Variants in HEATR5B observed in about 807,000 individuals in gnomAD.
HEATR5B encodes HEAT repeat containing 5B.
Under a neutral mutation model 224.1 loss-of-function variants are expected in HEATR5B, and 156 were observed. The ratio of observed to expected loss-of-function variants is 0.70; its 90% CI spans 0.61 to 0.80. The LOEUF is 0.80. HEATR5B is among the 30% of genes least tolerant of loss of function. HEATR5B has a pLI of 0.00. For synonymous variants in HEATR5B, 1,027 were observed against 893.0 expected, an observed-to-expected ratio of 1.15 and a Z score of -2.68; for missense variants, 2,323 against 2,535.5, an observed-to-expected ratio of 0.92 and a Z score of 1.80.
At chr2:37,006,955 T>C (rs964867697) in intron 29 of HEATR5B, 95 bp downstream of exon 29, 28 of 1,197,442 alleles carry the variant, frequency 2.3e-5, no homozygotes, top group Non-Finnish European at 3.1e-5. Flanking sequence ...CTCTGAACTG[T>C]GCTATACTGT....
chr2:36,986,651 T>C (rs1665965437), intron 35 of HEATR5B, among the ~76,000 whole-genome samples: 1 of 152,158 alleles, frequency 6.6e-6, no homozygotes, highest in Admixed American at 6.6e-5. Flanking sequence ...GGAGTCTCGC[T>C]CTGTCACCCA....
chr2:37,064,912 C>T lies in HEATR5B; in HGVS notation c.1412G>A (p.Cys471Tyr). ...CTGGAAAGGTAATGCCACAGCCACA[C>T]AGCGCAAACACCATGCAGCAGCAAG... ...ARLAAAWCLR[C>Y]VAVALPFQLT... Residue 471 changes from cysteine (C) to tyrosine (Y), a missense_variant, in exon 10 of 36, where the codon TGT becomes TAT. Physicochemically the swap from Cys to Tyr is radical, Grantham distance 194. Coordinates refer to ENST00000233099, the MANE Select transcript of HEATR5B (RefSeq NM_019024.3). 2 of 1,614,168 alleles carry T rather than the reference C, an allele frequency of 1.2e-6. No homozygotes were observed. The highest frequency in any genetic ancestry group is 8.5e-7 in the Non-Finnish European group (1 of 1,180,016).
intron 6 of HEATR5B, among the ~76,000 whole-genome samples, chr2:37,070,659 A>G (rs891693256): frequency 5.3e-5 from 8 of 152,208 alleles, no homozygotes; most frequent in Non-Finnish European, 7.3e-5. Flanking sequence ...GTGTAACACA[A>G]TAAGGACAAA....
At chr2:37,029,277 C>T (rs1018978392) in intron 22 of HEATR5B, among the ~76,000 whole-genome samples, 1 of 152,138 alleles carries the variant, frequency 6.6e-6, no homozygotes, top group African/African-American at 2.4e-5. Context: ...TAAATTGAAA[C>T]TTATTCAGTC....
In HEATR5B at chr2:37,065,858, A is replaced by G. The variant is rs1407591602; in HGVS notation, c.1230T>C (p.Ile410=). 11 of 1,613,692 alleles carry G rather than the reference A, an allele frequency of 6.8e-6. No homozygotes were observed. Among genetic ancestry groups the G allele is most frequent in the Non-Finnish European group, 9.3e-6 (11 of 1,179,784 alleles). Residue 410 remains isoleucine, a synonymous_variant, in exon 9 of 36, where the codon ATT becomes ATC. Transcript: ENST00000233099. ...SGENKSGAAD[I]AASQHVMVCA... ...AGACCATCACATGCTGGCTTGCTGC[A>G]ATGTCTGCTGCGCCAGATTTGTTTT...
At chr2:37,079,750 GAA>G (rs1224910954) in intron 2 of HEATR5B, among the ~76,000 whole-genome samples, 1 of 151,946 alleles carries the variant, frequency 6.6e-6, no homozygotes, top group Non-Finnish European at 1.5e-5. Context: ...AAAAGAAACT[GAA>G]GAGCCCTAGA....
rs570186931 is a variant in HEATR5B, at chr2:36,981,385, A to G, written c.*105T>C. On this transcript the variant is annotated 3_prime_UTR_variant, in exon 36 of 36. Coordinates refer to ENST00000233099, the MANE Select transcript of HEATR5B (RefSeq NM_019024.3). ...ACCTACTTGGAAGCACTATAATACC[A>G]ATATACAAATAAAACAGAACCCATA... The G allele has an allele frequency of 1.4e-5, 11 of 801,054 alleles. No individual in the cohort carries two copies. The highest frequency in any genetic ancestry group is 1.9e-5 in the Non-Finnish European group (10 of 514,266). The allele number at this position is 801,054 out of a possible 1,614,324, so 49.6% of individuals were successfully genotyped here. A position where few individuals can be genotyped will look rare whatever the true frequency, so the allele number is the denominator to read the frequency against.
chr2:37,024,329 G>A (rs1007335363), intron 24 of HEATR5B, among the ~76,000 whole-genome samples: 19 of 152,228 alleles, frequency 1.2e-4, no homozygotes, highest in East Asian at 1.2e-3. Context: ...TCTATAGCAC[G>A]GTGACTATAC....
At chr2:37,058,374 C>G in intron 14 of HEATR5B, 77 bp downstream of exon 14, 1 of 812,408 alleles carries the variant, frequency 1.2e-6, no homozygotes, top group Non-Finnish European at 2.1e-6. Flanking sequence ...AGTGGGAGAG[C>G]CTTTGTCAAG....
In HEATR5B at chr2:37,028,669, T is replaced by C. The variant is rs1352661371; in HGVS notation, c.3601+12A>G. ...ATTTCCATTATTTTAAGAACGCACA[T>C]TAAATACTTACCACTAGAAGCTGCC... On this transcript the variant is annotated intron_variant, in intron 23 of 35. Transcript: ENST00000233099. 1.9e-6 allele frequency: 3 copies of C among 1,612,720 alleles called. No homozygotes were observed. Among genetic ancestry groups the C allele is most frequent in the East Asian group, 4.5e-5 (2 of 44,862 alleles).
At chr2:36,989,334 T>C (rs1666166677) in intron 34 of HEATR5B, among the ~76,000 whole-genome samples, 1 of 152,226 alleles carries the variant, frequency 6.6e-6, no homozygotes, top group East Asian at 1.9e-4. Context: ...TCTGCCCGCT[T>C]TGGCCTCCCA....
chr2:37,082,760 C>G (rs1672676793), intron 2 of HEATR5B, among the ~76,000 whole-genome samples: 1 of 152,190 alleles, frequency 6.6e-6, no homozygotes, highest in Admixed American at 6.5e-5. Context: ...GAGTAAATCT[C>G]TGTTCCGGGG....
intron 33 of HEATR5B, among the ~76,000 whole-genome samples, chr2:36,992,407 C>T (rs960771167): frequency 6.6e-6 from 1 of 151,842 alleles, no homozygotes; most frequent in Non-Finnish European, 1.5e-5. Context: ...ATGCTGAGAC[C>T]CTGTCTCTAC....
At chr2:37,033,732 G>A (rs1669288786) in intron 21 of HEATR5B, among the ~76,000 whole-genome samples, 1 of 152,184 alleles carries the variant, frequency 6.6e-6, no homozygotes, top group South Asian at 2.1e-4. Flanking sequence ...ACTTATTCCT[G>A]TGACACCTTA....
chr2:37,051,738 C>CT (rs957779176), intron 17 of HEATR5B, among the ~76,000 whole-genome samples: 64 of 149,340 alleles, frequency 4.3e-4, no homozygotes, highest in Non-Finnish European at 1.5e-4. Context: ...ATTTCTTCTT[C>CT]TTTTTTTTTT....
chr2:37,080,488 C>T (rs557798300), intron 2 of HEATR5B, among the ~76,000 whole-genome samples: 1 of 152,148 alleles, frequency 6.6e-6, no homozygotes, highest in South Asian at 2.1e-4. Context: ...ATAGGATTTG[C>T]TGGTGAATAC....
chr2:37,067,028 C>A (rs1435610331), intron 8 of HEATR5B, among the ~76,000 whole-genome samples: 2 of 151,814 alleles, frequency 1.3e-5, no homozygotes, highest in Non-Finnish European at 2.9e-5. Flanking sequence ...CGCCACCACG[C>A]CTGATTAATT....
rs1667366829 is a variant in HEATR5B, at chr2:37,005,665, G to A, written c.4872C>T (p.Ser1624=). 6.2e-7 allele frequency: 1 copy of A among 1,613,502 alleles called. No homozygotes were observed. The highest frequency in any genetic ancestry group is 8.5e-7 in the Non-Finnish European group (1 of 1,179,520). Residue 1624 remains serine (S), a synonymous_variant, in exon 30 of 36, where the codon TCC becomes TCT. Transcript: ENST00000233099. ...CTGCAATATGGACTCGAGCATAAGG[G>A]GAGTCTAGCAAGGTATGTAAGGCCT... ...CLQALHTLLD[S]PYARVHIAED...
intron 31 of HEATR5B, among the ~76,000 whole-genome samples, 189 bp downstream of exon 31, chr2:37,003,353 C>A (rs1331254818): frequency 6.6e-6 from 1 of 150,958 alleles, no homozygotes; most frequent in Non-Finnish European, 1.5e-5. Context: ...CAGGAGGATC[C>A]TAAGCCCAGG....
Sources: gnomAD v4.1 joint callset for allele counts (sites outside exome capture counted in the v4.1 genomes callset) on GRCh38, gnomAD v4.1.1 for gene constraint, MANE v1.5 for transcripts, NCBI Gene and HGNC (gene_info 2026-07-23, HGNC 2026-07-21) for gene names.